The following UNC5C variants were observed in gnomAD, a reference collection of about 807,000 sequenced individuals.
UNC5C encodes the protein unc-5 netrin receptor C.
A neutral mutation model predicts 99.8 loss-of-function variants in UNC5C; 47 were observed. The observed-to-expected ratio is 0.47, with a 90% CI of 0.37 to 0.60. UNC5C has a LOEUF of 0.60. Among genes scored for constraint, UNC5C ranks in the 20% least tolerant of loss-of-function variants. UNC5C has a pLI of 0.00. For missense variants in UNC5C, 1,062 were observed against 1,165.9 expected (o/e 0.91, Z 1.30); for synonymous variants, 487 against 452.2 (o/e 1.08, Z -0.98).
chr4:95,171,047 C>T (rs1014280779), intron 14 of UNC5C, among the ~76,000 whole-genome samples: 9 of 152,170 alleles, frequency 5.9e-5, no homozygotes, highest in Non-Finnish European at 8.8e-5. Context: ...ATAGTCTCAG[C>T]TCATAAAACA....
chr4:95,469,297 T>A (rs1418163897), intron 1 of UNC5C, among the ~76,000 whole-genome samples: 1 of 152,192 alleles, frequency 6.6e-6, no homozygotes, highest in Non-Finnish European at 1.5e-5. Context: ...TCTCCTGTTA[T>A]CTTGACATTT....
intron 1 of UNC5C, among the ~76,000 whole-genome samples, chr4:95,394,269 A>T (rs1253286393): frequency 1.3e-5 from 2 of 151,762 alleles, no homozygotes; most frequent in East Asian, 3.9e-4. Flanking sequence ...AAAAAAAAAA[A>T]CCCTCCAATC....
intron 1 of UNC5C, among the ~76,000 whole-genome samples, chr4:95,373,987 G>A (rs1432336832): frequency 6.6e-6 from 1 of 152,102 alleles, no homozygotes; most frequent in Non-Finnish European, 1.5e-5. Flanking sequence ...TGCATTTGAA[G>A]AATGGGTCTG....
At chr4:95,451,349 C>T (rs1041346985) in intron 1 of UNC5C, among the ~76,000 whole-genome samples, 3 of 152,098 alleles carry the variant, frequency 2.0e-5, no homozygotes, top group East Asian at 1.9e-4. Flanking sequence ...AAGGAAACTT[C>T]GACAGAAACA....
intron 1 of UNC5C, among the ~76,000 whole-genome samples, chr4:95,421,878 T>G (rs1746329279): frequency 6.6e-6 from 1 of 152,216 alleles, no homozygotes; most frequent in African/African-American, 2.4e-5. Flanking sequence ...CTCTTTATTA[T>G]CGAAGACTTA....
At chr4:95,201,653 G>T (rs1034523124) in intron 12 of UNC5C, among the ~76,000 whole-genome samples, 3 of 151,560 alleles carry the variant, frequency 2.0e-5, no homozygotes, top group African/African-American at 7.3e-5. Context: ...GCCTAGGCTG[G>T]AATGCAGTGA....
intron 14 of UNC5C, among the ~76,000 whole-genome samples, chr4:95,176,544 TTAGGCTGCTCAGGGG>T (rs1349274665): frequency 2.0e-5 from 3 of 151,534 alleles, no homozygotes; most frequent in Non-Finnish European, 4.4e-5. Context: ...TGCCTCCCAG[TTAGGCTGCTCAGGGG>T]TAGGGGTCAG....
chr4:95,269,863 C>T (rs746624415), intron 4 of UNC5C, among the ~76,000 whole-genome samples: 8 of 152,086 alleles, frequency 5.3e-5, no homozygotes, highest in African/African-American at 1.9e-4. Flanking sequence ...CAGGCATGCA[C>T]CACCACGCCC....
In UNC5C at chr4:95,173,517, G is replaced by T. The variant is rs1173584590; in HGVS notation, c.2452-3185C>A. Among the ~76,000 whole-genome samples the T allele has an allele frequency of 1.0e-4, 15 of 148,794 alleles. No homozygotes were observed. In the East Asian group the frequency reaches 2.8e-3, roughly 27 times the overall value. The stretch of plus-strand genomic sequence containing the variant: ...AGATAATCATGTGGTTTTTGTCTTT[G>T]GTTCTGTTTATATGCTGGATTACAT... On this transcript the variant is annotated intron_variant, in intron 14 of 15. Coordinates refer to ENST00000453304, the MANE Select transcript of UNC5C (RefSeq NM_003728.4).
intron 7 of UNC5C, among the ~76,000 whole-genome samples, chr4:95,226,856 T>G (rs918604102): frequency 6.6e-6 from 1 of 152,128 alleles, no homozygotes; most frequent in African/African-American, 2.4e-5. Context: ...ATTAGGTGGT[T>G]GTTTTTTGGC....
chr4:95,319,473 G>T (rs1186962002), intron 2 of UNC5C, among the ~76,000 whole-genome samples: 2 of 152,196 alleles, frequency 1.3e-5, no homozygotes, highest in Non-Finnish European at 2.9e-5. Context: ...GCAAGATACT[G>T]TATTTCCTAC....
intron 1 of UNC5C, among the ~76,000 whole-genome samples, chr4:95,459,705 A>C (rs189510067): frequency 2.6e-5 from 4 of 152,278 alleles, no homozygotes; most frequent in Non-Finnish European, 1.5e-5. Flanking sequence ...ATAGGTTCCA[A>C]CTTCTTCAAA....
chr4:95,494,560 T>A (rs1272657082), intron 1 of UNC5C, among the ~76,000 whole-genome samples: 1 of 151,418 alleles, frequency 6.6e-6, no homozygotes, highest in Non-Finnish European at 1.5e-5. Context: ...TATCTTTGTT[T>A]AAAAGGCCTT....
At chr4:95,393,412 A>G (rs1438476810) in intron 1 of UNC5C, among the ~76,000 whole-genome samples, 1 of 152,184 alleles carries the variant, frequency 6.6e-6, no homozygotes, top group East Asian at 1.9e-4. Flanking sequence ...GTAAAGAGGC[A>G]AAAGGCTGTC....
intron 1 of UNC5C, among the ~76,000 whole-genome samples, chr4:95,460,073 A>G (rs1022772485): frequency 1.3e-5 from 2 of 152,140 alleles, no homozygotes; most frequent in Non-Finnish European, 2.9e-5. Context: ...TGAATCAAAT[A>G]GAAGAAAACA....
At chr4:95,515,441 A>G (rs571484627) in intron 1 of UNC5C, among the ~76,000 whole-genome samples, 2 of 152,324 alleles carry the variant, frequency 1.3e-5, no homozygotes, top group African/African-American at 2.4e-5. Context: ...TGAAATCCCA[A>G]TGGCAGAATT....
At chr4:95,330,623 T>A (rs1743074603) in intron 2 of UNC5C, among the ~76,000 whole-genome samples, 1 of 152,140 alleles carries the variant, frequency 6.6e-6, no homozygotes, top group Non-Finnish European at 1.5e-5. Flanking sequence ...TAAAGATTTT[T>A]TTTCTTTTAA....
At chr4:95,416,973 C>T (rs866524834) in intron 1 of UNC5C, among the ~76,000 whole-genome samples, 4 of 152,104 alleles carry the variant, frequency 2.6e-5, no homozygotes, top group African/African-American at 7.2e-5. Context: ...TCTGTAGTCT[C>T]ATTTAATTCT....
At chr4:95,543,853 A>G (rs1434885329) in intron 1 of UNC5C, among the ~76,000 whole-genome samples, 1 of 152,178 alleles carries the variant, frequency 6.6e-6, no homozygotes. Context: ...GGAAGAAAAG[A>G]GACTGTGGAA....
Sources: allele counts gnomAD v4.1 joint callset (sites outside exome capture counted in the v4.1 genomes callset), GRCh38; gene constraint gnomAD v4.1.1; transcripts MANE v1.5; gene names NCBI Gene and HGNC (gene_info 2026-07-23, HGNC 2026-07-21).